INPP5A: variants seen among roughly 807,000 people sequenced by gnomAD.
INPP5A encodes the protein 43 kDa inositol polyphosphate 5-phophatase.
A neutral mutation model predicts 65.2 loss-of-function variants in INPP5A; 14 were observed. The observed-to-expected ratio is 0.21, with a 90% CI of 0.14 to 0.34. INPP5A has a LOEUF of 0.34. Among genes scored for constraint, INPP5A ranks in the 10% least tolerant of loss-of-function variants. INPP5A has a pLI of 1.00. For missense variants in INPP5A, 431 were observed against 545.6 expected (o/e 0.79, Z 2.09); for synonymous variants, 207 against 208.3 (o/e 0.99, Z 0.05).
chr10:132,757,873 C>T (rs372121876), intron 11 of INPP5A, among the ~76,000 whole-genome samples: 1 of 148,804 alleles, frequency 6.7e-6, no homozygotes, highest in East Asian at 2.0e-4. Context: ...AACACAGTGC[C>T]GTGGTGTGGG....
intron 4 of INPP5A, among the ~76,000 whole-genome samples, chr10:132,682,164 G>C (rs2073056697): frequency 9.4e-6 from 1 of 106,344 alleles, no homozygotes; most frequent in African/African-American, 2.7e-5. Context: ...GAGGTGGGAA[G>C]GTGGACAGCG....
chr10:132,640,337 G>A lies in INPP5A; in HGVS notation c.118-5531G>A, dbSNP rs187673288. On this transcript the variant is annotated intron_variant, in intron 2 of 15. Transcript: ENST00000368594. ...GTTTGGGGTTATTGGAGACTCAAGCGGCTTCATACACAGACTTAGGGTTCC... is the reference window on the plus strand; with the variant it reads ...GTTTGGGGTTATTGGAGACTCAAGCAGCTTCATACACAGACTTAGGGTTCC... Among the ~76,000 whole-genome samples the A allele has an allele frequency of 1.0e-3, 155 of 152,342 alleles. 1 individual carries two copies. Among genetic ancestry groups the A allele is most frequent in the South Asian group, 9.9e-3 (48 of 4,828 alleles).
intron 1 of INPP5A, among the ~76,000 whole-genome samples, chr10:132,599,181 A>G (rs2071746508): frequency 6.6e-6 from 1 of 152,230 alleles, no homozygotes; most frequent in Admixed American, 6.5e-5. Context: ...TCCACAGTCC[A>G]GTCTTATCTG....
intron 1 of INPP5A, among the ~76,000 whole-genome samples, chr10:132,566,762 G>A (rs538356305): frequency 6.6e-6 from 1 of 152,292 alleles, no homozygotes; most frequent in Admixed American, 6.5e-5. Flanking sequence ...ATTTCCACTA[G>A]TGTCAGGGAC....
rs1271973600 is a variant in INPP5A, at chr10:132,547,041, G to A, written c.75+8870G>A. On this transcript the variant is annotated intron_variant, in intron 1 of 15. Transcript: ENST00000368594. The surrounding 1 kb of genome is among the most constrained non-coding windows in gnomAD (Gnocchi z 5.5). Reference sequence around the variant, plus strand: ...ATTCCAGGAACCAGAGGAGATTGAAGAACCCGAGACTTGGCTTTGGCCCAA... The same window carrying A: ...ATTCCAGGAACCAGAGGAGATTGAAAAACCCGAGACTTGGCTTTGGCCCAA... Among the ~76,000 whole-genome samples the A allele has an allele frequency of 1.3e-5, 2 of 152,216 alleles. No homozygotes were observed. The highest frequency in any genetic ancestry group is 4.8e-5 in the African/African-American group (2 of 41,456).
rs544923798 is a variant in INPP5A at position 132,716,545 on chromosome 10, C to A, written c.647+6089C>A. Among the ~76,000 whole-genome samples the A allele has an allele frequency of 3.3e-5, 5 of 152,312 alleles. No individual in the cohort carries two copies. The South Asian group carries it at 1.0e-3, about 32-fold the overall frequency. On this transcript the variant is annotated intron_variant, in intron 8 of 15. Transcript: ENST00000368594. ...TGGAGAGCGTTTGGGTGGTTCCCGG[C>A]CCTTTGGTGGCAGACAGGACGATGC... is the stretch of plus-strand genomic sequence containing the variant.
chr10:132,556,272 C>T (rs1333012756), intron 1 of INPP5A, among the ~76,000 whole-genome samples: 3 of 152,276 alleles, frequency 2.0e-5, no homozygotes, highest in Non-Finnish European at 2.9e-5. Context: ...TTTGCTCCAC[C>T]GAGTGAACAC....
At chr10:132,646,024 G>A (rs2072489145) in intron 3 of INPP5A, 56 bp downstream of exon 3, 10 of 1,198,526 alleles carry the variant, frequency 8.3e-6, no homozygotes, top group East Asian at 2.4e-5. Flanking sequence ...GTGGGGTGCC[G>A]GCGGGGGTCT....
At chr10:132,736,663 AG>A (rs1246923988) in intron 9 of INPP5A, among the ~76,000 whole-genome samples, 1 of 152,224 alleles carries the variant, frequency 6.6e-6, no homozygotes, top group East Asian at 1.9e-4. Context: ...GGCCGGCAAG[AG>A]CAGCCAAGGC....
At position 132,668,439 on chromosome 10, in the gene INPP5A, C is replaced by T. The variant is rs138058940; in HGVS notation, c.306+17934C>T. 2.1e-3 allele frequency among the ~76,000 whole-genome samples: 320 copies of T among 152,212 alleles called. 4 individuals are homozygous for T. Among genetic ancestry groups the T allele is most frequent in the African/African-American group, 6.3e-3 (260 of 41,524 alleles). ...AGCACATTTGACGGACTTCTTTTGG[C>T]GAAAATCAGAGCACTTCAAATCCTG... On this transcript the variant is annotated intron_variant, in intron 4 of 15. Coordinates refer to ENST00000368594, the MANE Select transcript of INPP5A (RefSeq NM_005539.5).
intron 4 of INPP5A, among the ~76,000 whole-genome samples, chr10:132,655,994 G>C (rs2072652682): frequency 1.3e-5 from 2 of 152,272 alleles, no homozygotes; most frequent in Admixed American, 6.5e-5. Flanking sequence ...GGAGGGCCTG[G>C]CGTGGGCACC....
At position 132,627,845 on chromosome 10, in the gene INPP5A, C is replaced by T. The variant is rs963965060; in HGVS notation, c.118-18023C>T. Among the ~76,000 whole-genome samples the T allele has an allele frequency of 1.2e-4, 19 of 152,036 alleles. No individual in the cohort carries two copies. Among genetic ancestry groups the T allele is most frequent in the African/African-American group, 4.6e-4 (19 of 41,374 alleles). On this transcript the variant is annotated intron_variant, in intron 2 of 15. Transcript: ENST00000368594. The surrounding 1 kb of genome is among the most constrained non-coding windows in gnomAD (Gnocchi z 6.6). ...GACCTTTGGTTGGAGTATTGGAAAC[C>T]GGGAGGGGTGAGGCCGTGGAGAGAG...
chr10:132,679,297 C>T (rs2073011446), intron 4 of INPP5A, among the ~76,000 whole-genome samples: 1 of 152,142 alleles, frequency 6.6e-6, no homozygotes, highest in Non-Finnish European at 1.5e-5. Context: ...TCCGTGGTTT[C>T]CAGTGGGAGC....
At chr10:132,780,977 G>A (rs1047617332) in intron 14 of INPP5A, 60 bp downstream of exon 14, 3 of 1,284,736 alleles carry the variant, frequency 2.3e-6, no homozygotes, top group South Asian at 1.2e-5. Flanking sequence ...TAGGGGGCCG[G>A]GGGGCTGGGG....
intron 4 of INPP5A, among the ~76,000 whole-genome samples, chr10:132,669,851 A>G (rs1204367940): frequency 6.6e-6 from 1 of 151,958 alleles, no homozygotes; most frequent in Non-Finnish European, 1.5e-5. Context: ...GGCCTTGCTG[A>G]GCCCCCAGGG....
intron 11 of INPP5A, among the ~76,000 whole-genome samples, chr10:132,758,878 C>T (rs1846679883): frequency 6.6e-6 from 1 of 152,204 alleles, no homozygotes; most frequent in Non-Finnish European, 1.5e-5. Context: ...GGCCCTGTCT[C>T]CTGAGCGTCG....
At chr10:132,750,657 T>C (rs1323460084) in intron 11 of INPP5A, among the ~76,000 whole-genome samples, 3 of 152,256 alleles carry the variant, frequency 2.0e-5, no homozygotes, top group Admixed American at 6.5e-5. Context: ...GGGCCCCATA[T>C]GCGGCCTCGG....
At chr10:132,579,843 C>G (rs943564442) in intron 1 of INPP5A, among the ~76,000 whole-genome samples, 1 of 152,058 alleles carries the variant, frequency 6.6e-6, no homozygotes, top group Non-Finnish European at 1.5e-5. Flanking sequence ...CCACCTGCCT[C>G]TCCGTGGCGC....
chr10:132,780,294 C>T (rs1365976025), intron 13 of INPP5A, among the ~76,000 whole-genome samples: 1 of 152,284 alleles, frequency 6.6e-6, no homozygotes, highest in Non-Finnish European at 1.5e-5. Context: ...AGTGCGCACA[C>T]AGCCGTGAAT....
Sources: allele counts gnomAD v4.1 joint callset (sites outside exome capture counted in the v4.1 genomes callset), GRCh38; gene constraint gnomAD v4.1.1; non-coding constraint Gnocchi (gnomAD v3.1); transcripts MANE v1.5; gene names NCBI Gene and HGNC (gene_info 2026-07-23, HGNC 2026-07-21).